The following NEXMIF variants were observed in gnomAD, a reference collection of about 807,000 sequenced individuals.
NEXMIF encodes neurite extension and migration factor, also known as XLMR protein related to neurite extension.
A neutral mutation model predicts 62.1 loss-of-function variants in NEXMIF; 8 were observed. That is an observed-to-expected ratio of 0.13 (90% CI 0.08 to 0.23). NEXMIF has a LOEUF of 0.23. NEXMIF is among the 10% of genes least tolerant of loss of function. The probability of loss-of-function intolerance (pLI) is 1.00; values close to 1 mark genes in which losing one functional copy is unlikely to be tolerated. For missense variants in NEXMIF, 976 were observed against 1,113.3 expected (o/e 0.88, Z 1.75); for synonymous variants, 404 against 416.6 (o/e 0.97, Z 0.37).
At chrX:74,914,747 G>C (rs749169145) in intron 1 of NEXMIF, among the ~76,000 whole-genome samples, 9 of 111,904 alleles carry the variant, frequency 8.0e-5, no homozygotes, top group African/African-American at 2.6e-4. Context: ...AATGTTCATA[G>C]CAGTTTTATT....
At chrX:74,757,289 G>T (rs2080162393) in intron 1 of NEXMIF, among the ~76,000 whole-genome samples, 1 of 112,070 alleles carries the variant, frequency 8.9e-6, no homozygotes, top group Non-Finnish European at 1.9e-5. Flanking sequence ...CTACTAGACA[G>T]CACTGTTATT....
At position 74,742,661 on chromosome X, in the gene NEXMIF, A is replaced by C; in HGVS notation, c.1896T>G (p.Leu632=). ...LPPARKRKSK[L]GNRHRIQRIP... ...TTCTTTGAATCCTGTGCCTGTTGCCAAGTTTAGATTTTCGTTTGCGAGCAG... is the reference window on the plus strand; with the variant it reads ...TTCTTTGAATCCTGTGCCTGTTGCCCAGTTTAGATTTTCGTTTGCGAGCAG... The change falls in exon 3 of 4, where the codon CTT becomes CTG. Residue 632 remains leucine, a synonymous_variant. Transcript: ENST00000055682. The C allele has an allele frequency of 8.3e-7, 1 of 1,211,398 alleles. No individual in the cohort carries two copies.
intron 1 of NEXMIF, among the ~76,000 whole-genome samples, chrX:74,751,217 G>A (rs1274897908): frequency 9.0e-6 from 1 of 110,506 alleles, no homozygotes; most frequent in African/African-American, 3.3e-5. Context: ...AGGACAAAGT[G>A]AGACTCTGTC....
rs773247857 is a variant in NEXMIF at position 74,743,642 on chromosome X, A to G, written c.915T>C (p.Ser305=). The G allele has an allele frequency of 8.3e-7, 1 of 1,209,738 alleles. No individual in the cohort carries two copies. Among genetic ancestry groups the G allele is most frequent in the African/African-American group, 1.7e-5 (1 of 57,239 alleles). ...ATCGAATTTTCAGGGAGCAGACATC[A>G]CTGCCTAGTGTTGATTCATCATCAT... ...MFDDDESTLG[S]DVCSLKIRYE... Residue 305 remains serine, a synonymous_variant, in exon 3 of 4, where the codon AGT becomes AGC. Transcript: ENST00000055682.
At chrX:74,871,814 T>C (rs752343642) in intron 1 of NEXMIF, among the ~76,000 whole-genome samples, 12 of 111,843 alleles carry the variant, frequency 1.1e-4, no homozygotes, top group African/African-American at 3.2e-4. Context: ...ATTCTGTTTT[T>C]TCAGGGTGCA....
chrX:74,892,268 C>G (rs895397478), intron 1 of NEXMIF, among the ~76,000 whole-genome samples: 2 of 112,027 alleles, frequency 1.8e-5, no homozygotes, highest in Non-Finnish European at 3.8e-5. Context: ...ACCTGGGCAC[C>G]AGGGGAAAAC....
At chrX:74,859,037 G>T (rs2080545790) in intron 1 of NEXMIF, among the ~76,000 whole-genome samples, 1 of 110,565 alleles carries the variant, frequency 9.0e-6, no homozygotes, top group African/African-American at 3.3e-5. Context: ...TCTCAAAAGG[G>T]GAAATCTAAG....
intron 1 of NEXMIF, among the ~76,000 whole-genome samples, chrX:74,858,759 T>C (rs1283156491): frequency 2.7e-5 from 3 of 109,968 alleles, no homozygotes; most frequent in Non-Finnish European, 5.7e-5. Flanking sequence ...TTTGAGGAAA[T>C]TCAAAGATAA....
At chrX:74,897,957 A>G (rs2080737624) in intron 1 of NEXMIF, among the ~76,000 whole-genome samples, 1 of 112,003 alleles carries the variant, frequency 8.9e-6, no homozygotes, top group South Asian at 3.7e-4. Flanking sequence ...ACATGTGTAC[A>G]TACTTATATA....
At chrX:74,790,588 C>T (rs749075427) in intron 1 of NEXMIF, among the ~76,000 whole-genome samples, 1,346 of 109,362 alleles carry the variant, frequency 0.012, 5 homozygotes, top group African/African-American at 0.038. Context: ...TTTCACAATA[C>T]TGATTCTTCC....
chrX:74,859,800 C>T (rs949264826), intron 1 of NEXMIF, among the ~76,000 whole-genome samples: 1 of 111,523 alleles, frequency 9.0e-6, no homozygotes, highest in Non-Finnish European at 1.9e-5. Context: ...TTACATTTTG[C>T]TTGCTTGTTT....
At chrX:74,754,488 T>C (rs1453871312) in intron 1 of NEXMIF, among the ~76,000 whole-genome samples, 1 of 107,470 alleles carries the variant, frequency 9.3e-6, no homozygotes, top group African/African-American at 3.4e-5. Context: ...TTTGTATTTT[T>C]AGTAGAGATG....
chrX:74,882,322 C>A (rs1450720318), intron 1 of NEXMIF, among the ~76,000 whole-genome samples: 3 of 111,824 alleles, frequency 2.7e-5, no homozygotes, highest in African/African-American at 9.8e-5. Context: ...TGCAGTGCAC[C>A]GTGCGTGAGT....
chrX:74,797,092 A>G (rs2080314560), intron 1 of NEXMIF, among the ~76,000 whole-genome samples: 1 of 111,893 alleles, frequency 8.9e-6, no homozygotes, highest in Non-Finnish European at 1.9e-5. Flanking sequence ...ACCCCAGTGC[A>G]ATCATAAGAA....
chrX:74,856,559 G>A (rs2080535749), intron 1 of NEXMIF, among the ~76,000 whole-genome samples: 1 of 110,999 alleles, frequency 9.0e-6, no homozygotes, highest in Non-Finnish European at 1.9e-5. Context: ...ATACAACAGT[G>A]GCCACATAAG....
At chrX:74,817,790 C>T (rs1202808998) in intron 1 of NEXMIF, among the ~76,000 whole-genome samples, 4 of 111,371 alleles carry the variant, frequency 3.6e-5, no homozygotes, top group African/African-American at 1.3e-4. Flanking sequence ...TCATAATAGT[C>T]TTATTCTCTT....
intron 1 of NEXMIF, among the ~76,000 whole-genome samples, chrX:74,794,806 A>T (rs1426481710): frequency 8.9e-6 from 1 of 111,743 alleles, no homozygotes; most frequent in Admixed American, 9.4e-5. Context: ...GCGCTTCCCA[A>T]GTGAGGCAAT....
intron 1 of NEXMIF, among the ~76,000 whole-genome samples, chrX:74,814,227 A>G (rs2080369031): frequency 8.9e-6 from 1 of 111,876 alleles, no homozygotes; most frequent in South Asian, 3.8e-4. Flanking sequence ...TAATTGGTAG[A>G]CACAAGTGGA....
At position 74,750,334 on chromosome X, in the gene NEXMIF, C is replaced by T. The variant is rs1013143206; in HGVS notation, c.-47-4637G>A. 1.3e-4 allele frequency among the ~76,000 whole-genome samples: 15 copies of T among 111,623 alleles called. No homozygotes were observed. The Admixed American group carries it at 1.4e-3, about 11-fold the overall frequency. ...AGAAGAATCATGGGTGGTTGGATTC[C>T]AGACCAGGGTAGTCTCAGAAATATC... On this transcript the variant is annotated intron_variant, in intron 1 of 3. Transcript: ENST00000055682.
Sources: allele counts gnomAD v4.1 joint callset (sites outside exome capture counted in the v4.1 genomes callset), GRCh38; gene constraint gnomAD v4.1.1; transcripts MANE v1.5; gene names NCBI Gene and HGNC (gene_info 2026-07-23, HGNC 2026-07-21).